The following GABRB1 variants were observed in gnomAD, a reference collection of about 807,000 sequenced individuals.
GABRB1 encodes the protein gamma-aminobutyric acid receptor subunit beta-1.
A neutral mutation model predicts 51.6 loss-of-function variants in GABRB1; 17 were observed. The observed-to-expected ratio is 0.33, with a 90% CI of 0.23 to 0.49. The LOEUF is 0.49. GABRB1 is among the 20% of genes least tolerant of loss of function. The pLI is 0.99. For synonymous variants in GABRB1, 247 were observed against 218.9 expected, an observed-to-expected ratio of 1.13 and a Z score of -1.14; for missense variants, 410 against 600.6, an observed-to-expected ratio of 0.68 and a Z score of 3.32.
intron 3 of GABRB1, among the ~76,000 whole-genome samples, chr4:47,041,103 C>T (rs1415753364): frequency 6.6e-6 from 1 of 151,984 alleles, no homozygotes; most frequent in African/African-American, 2.4e-5. Context: ...AGTGTGAGTT[C>T]TTGTAGAAAG....
chr4:47,378,091 G>C (rs919470773), intron 5 of GABRB1, among the ~76,000 whole-genome samples: 3 of 152,220 alleles, frequency 2.0e-5, no homozygotes, highest in African/African-American at 7.2e-5. Context: ...CGTAGAGCAG[G>C]GGGTGGCGCT....
At chr4:47,344,545 T>A (rs1726018732) in intron 5 of GABRB1, among the ~76,000 whole-genome samples, 1 of 152,186 alleles carries the variant, frequency 6.6e-6, no homozygotes, top group Non-Finnish European at 1.5e-5. Flanking sequence ...AAAATCAAAC[T>A]TACTGAATCT....
At chr4:47,336,858 G>A (rs1252606597) in intron 5 of GABRB1, among the ~76,000 whole-genome samples, 3 of 152,212 alleles carry the variant, frequency 2.0e-5, no homozygotes, top group Non-Finnish European at 2.9e-5. Flanking sequence ...TGGATGTGAT[G>A]CAGTTATTGG....
At chr4:47,157,640 G>A (rs1202412768) in intron 3 of GABRB1, among the ~76,000 whole-genome samples, 1 of 152,086 alleles carries the variant, frequency 6.6e-6, no homozygotes, top group Non-Finnish European at 1.5e-5. Context: ...CGAGCACAGA[G>A]CACGCCACAG....
intron 1 of GABRB1, among the ~76,000 whole-genome samples, chr4:46,999,622 A>G (rs1280724153): frequency 1.3e-5 from 2 of 152,234 alleles, no homozygotes; most frequent in African/African-American, 4.8e-5. Context: ...AAGAGGCAAA[A>G]CAAAGAAATC....
At chr4:47,295,054 G>C (rs1372934026) in intron 4 of GABRB1, among the ~76,000 whole-genome samples, 1 of 152,196 alleles carries the variant, frequency 6.6e-6, no homozygotes. Flanking sequence ...GGTCTTGTCT[G>C]TTAGAAGGAA....
At chr4:47,179,510 T>C (rs966766072) in intron 4 of GABRB1, among the ~76,000 whole-genome samples, 11 of 152,094 alleles carry the variant, frequency 7.2e-5, no homozygotes, top group African/African-American at 2.7e-4. Context: ...CTTTTCACAA[T>C]AGCAAAGACT....
At chr4:47,078,902 T>A (rs966489839) in intron 3 of GABRB1, among the ~76,000 whole-genome samples, 1 of 152,186 alleles carries the variant, frequency 6.6e-6, no homozygotes, top group Non-Finnish European at 1.5e-5. Context: ...AAAAATCAGC[T>A]TAGAAAGAGG....
At chr4:47,254,658 C>T (rs1479817986) in intron 4 of GABRB1, among the ~76,000 whole-genome samples, 2 of 151,888 alleles carry the variant, frequency 1.3e-5, no homozygotes, top group African/African-American at 4.8e-5. Flanking sequence ...CAGGGTGAGC[C>T]ACCATGCCCA....
chr4:47,223,116 T>C (rs1720825132), intron 4 of GABRB1, among the ~76,000 whole-genome samples: 1 of 152,068 alleles, frequency 6.6e-6, no homozygotes, highest in South Asian at 2.1e-4. Flanking sequence ...GATAACACAT[T>C]TTTTCTATTA....
Position 47,287,956 on chromosome 4 carries a change from A to G in GABRB1, c.462-32171A>G, listed in dbSNP as rs568177436. On this transcript the variant is annotated intron_variant, in intron 4 of 8. Transcript: ENST00000295454. ...ACTCATCACTCAGTGGAGCTTTCAG[A>G]TATGACCACAGTCCCAGCCAGCAAC... Among the ~76,000 whole-genome samples the G allele has an allele frequency of 1.4e-4, 22 of 152,322 alleles. No homozygotes were observed. In the South Asian group the frequency reaches 3.3e-3, roughly 23 times the overall value.
upstream of GABRB1, chr4:47,031,539 T>C (rs1412464624): frequency 2.4e-6 from 2 of 830,052 alleles, no homozygotes; most frequent in African/African-American, 3.4e-5. Flanking sequence ...CTTTTGGTAG[T>C]GAGCGCGCTC....
intron 4 of GABRB1, among the ~76,000 whole-genome samples, chr4:47,256,977 C>T (rs1293805876): frequency 2.0e-5 from 3 of 152,192 alleles, no homozygotes; most frequent in Non-Finnish European, 4.4e-5. Flanking sequence ...ATATCATTTA[C>T]TGTTTCAGTT....
At chr4:47,083,676 C>A (rs1727947266) in intron 3 of GABRB1, among the ~76,000 whole-genome samples, 1 of 152,132 alleles carries the variant, frequency 6.6e-6, no homozygotes, top group African/African-American at 2.4e-5. Context: ...CTCTTTATCT[C>A]CTCCCACACC....
At chr4:47,342,499 A>G (rs1361879735) in intron 5 of GABRB1, among the ~76,000 whole-genome samples, 2 of 152,254 alleles carry the variant, frequency 1.3e-5, no homozygotes, top group Non-Finnish European at 2.9e-5. Context: ...CTGTCATTAC[A>G]GTTGAAAGAC....
intron 3 of GABRB1, among the ~76,000 whole-genome samples, chr4:47,136,992 C>A (rs1716688230): frequency 6.6e-6 from 1 of 151,922 alleles, no homozygotes; most frequent in Non-Finnish European, 1.5e-5. Context: ...AATAATTGTA[C>A]AAAGAGAGAC....
chr4:47,382,107 T>C (rs1222036327), intron 5 of GABRB1, among the ~76,000 whole-genome samples: 1 of 152,226 alleles, frequency 6.6e-6, no homozygotes, highest in Non-Finnish European at 1.5e-5. Context: ...GAATAGAATC[T>C]AGGTATAATT....
intron 4 of GABRB1, among the ~76,000 whole-genome samples, chr4:47,191,501 T>C (rs1338739948): frequency 3.3e-5 from 5 of 152,114 alleles, no homozygotes; most frequent in Non-Finnish European, 5.9e-5. Context: ...ACATGGATTA[T>C]GGTACAGAGA....
At chr4:47,017,134 C>T (rs1724775035) in intron 1 of GABRB1, among the ~76,000 whole-genome samples, 1 of 152,092 alleles carries the variant, frequency 6.6e-6, no homozygotes, top group Admixed American at 6.5e-5. Context: ...AAAGTAATTC[C>T]AGATCTGCAA....
Sources: allele counts gnomAD v4.1 joint callset (sites outside exome capture counted in the v4.1 genomes callset), GRCh38; gene constraint gnomAD v4.1.1; transcripts MANE v1.5; gene names NCBI Gene and HGNC (gene_info 2026-07-23, HGNC 2026-07-21).